The following SMIM14 variants were observed in gnomAD, a reference collection of about 807,000 sequenced individuals.
SMIM14 encodes the protein small integral membrane protein 14.
In SMIM14, 5 loss-of-function variants were observed where a neutral mutation model predicts 12.6. The observed-to-expected ratio is 0.40, with a 90% CI of 0.21 to 0.83. SMIM14 has a LOEUF of 0.83. Among genes scored for constraint, SMIM14 ranks in the 40% least tolerant of loss-of-function variants. The pLI, the probability that SMIM14 is intolerant of heterozygous loss-of-function variation, is 0.37. For missense variants in SMIM14, 86 were observed against 119.1 expected, an observed-to-expected ratio of 0.72 and a Z score of 1.29; for synonymous variants, 30 against 40.1, an observed-to-expected ratio of 0.75 and a Z score of 0.95.
At chr4:39,636,674 C>CT (rs1716102369) in intron 1 of SMIM14, among the ~76,000 whole-genome samples, 2 of 148,390 alleles carry the variant, frequency 1.3e-5, no homozygotes, top group Non-Finnish European at 3.0e-5. Flanking sequence ...GATCTCGTCT[C>CT]TATTAAATTT....
chr4:39,619,860 T>TTATATATATTTA (rs1553866652), intron 1 of SMIM14, among the ~76,000 whole-genome samples: 5 of 111,100 alleles, frequency 4.5e-5, no homozygotes, highest in East Asian at 4.7e-4. Flanking sequence ...TTATATATAT[T>TTATATATATTTA]TATATATATA....
intron 2 of SMIM14, among the ~76,000 whole-genome samples, chr4:39,585,679 T>C (rs1288499163): frequency 6.6e-6 from 1 of 151,796 alleles, no homozygotes; most frequent in Admixed American, 6.6e-5. Flanking sequence ...TTTGCTAATA[T>C]CAAAAGATTA....
chr4:39,614,979 G>A (rs1715166455), intron 1 of SMIM14, among the ~76,000 whole-genome samples: 1 of 152,160 alleles, frequency 6.6e-6, no homozygotes, highest in Admixed American at 6.5e-5. Context: ...ATGTGGTGAG[G>A]GAATTTTCCA....
chr4:39,635,089 C>T (rs1372974221), intron 1 of SMIM14, among the ~76,000 whole-genome samples: 1 of 152,224 alleles, frequency 6.6e-6, no homozygotes, highest in African/African-American at 2.4e-5. Flanking sequence ...GAGGCAACAT[C>T]TGACCTAACA....
rs570166127 is a variant in SMIM14 at position 39,622,127 on chromosome 4, A to G, written c.-36+16612T>C. Among the ~76,000 whole-genome samples the G allele has an allele frequency of 6.8e-4, 103 of 152,244 alleles. 1 individual carries two copies. Among genetic ancestry groups the G allele is most frequent in the South Asian group, 1.7e-3 (8 of 4,822 alleles). ...GAGACGGAGTCTTGCACTGTTGCCC[A>G]GGCTGGAGTGCAGTGGCACGATCTC... On this transcript the variant is annotated intron_variant, in intron 1 of 4. Coordinates refer to ENST00000295958, the MANE Select transcript of SMIM14 (RefSeq NM_174921.3).
At chr4:39,579,565 C>A (rs1467342026) in intron 2 of SMIM14, among the ~76,000 whole-genome samples, 1 of 150,502 alleles carries the variant, frequency 6.6e-6, no homozygotes, top group Non-Finnish European at 1.5e-5. Flanking sequence ...CTTGGCAGGC[C>A]GGGAACAGGG....
In SMIM14 at chr4:39,558,247, G is replaced by A. The variant is rs1712115187; in HGVS notation, c.125-1677C>T. Among the ~76,000 whole-genome samples the A allele has an allele frequency of 1.3e-5, 2 of 152,198 alleles. No individual in the cohort carries two copies. Among genetic ancestry groups the A allele is most frequent in the African/African-American group, 4.8e-5 (2 of 41,462 alleles). On this transcript the variant is annotated intron_variant, in intron 3 of 4. Transcript: ENST00000295958. This position sits in a 1 kb window ranked among gnomAD's most constrained non-coding sequence, Gnocchi z 4.3. ...TCACGCCTGTAATCCCAGCACTTTG[G>A]AAGGCCAAGATGGGTGGATTGCTTG...
At chr4:39,575,939 G>A (rs111371244) in intron 2 of SMIM14, among the ~76,000 whole-genome samples, 38,690 of 147,004 alleles carry the variant, frequency 0.26, 5,642 homozygotes, top group Middle Eastern at 0.36. Flanking sequence ...TGTCACCAAG[G>A]TTGGAGTGCA....
intron 2 of SMIM14, among the ~76,000 whole-genome samples, chr4:39,577,913 TA>T (rs896684641): frequency 2.6e-5 from 4 of 152,206 alleles, no homozygotes; most frequent in African/African-American, 9.6e-5. Context: ...GCTTGACGGC[TA>T]CATTCCTCAT....
chr4:39,572,456 T>TACACAC lies in SMIM14; in HGVS notation c.82_83insGTGTGT (p.Gln28delinsArgValTer). On this transcript the variant is annotated stop_gained and protein_altering_variant, in exon 3 of 5. Transcript: ENST00000295958. LOFTEE classifies it high-confidence loss of function. ...TGTGTCTGTGCAGTAGGACTGGGAC[T>TACACAC]GCCGTAACTACAATGAATAAGAAAG... The TACACAC allele has an allele frequency of 6.2e-7, 1 of 1,610,322 alleles. No homozygotes were observed. Among genetic ancestry groups the TACACAC allele is most frequent in the Non-Finnish European group, 8.5e-7 (1 of 1,177,584 alleles).
chr4:39,549,626 A>G lies in SMIM14; in HGVS notation c.*2500T>C, dbSNP rs1460578263. On this transcript the variant is annotated 3_prime_UTR_variant, in exon 5 of 5. Coordinates refer to ENST00000295958, the MANE Select transcript of SMIM14 (RefSeq NM_174921.3). Reference sequence around the variant, plus strand: ...AGCCATAGATTCAGTGACTACATCAATATCTCTTGCCAGGGATTGGCCTAA... The same window carrying G: ...AGCCATAGATTCAGTGACTACATCAGTATCTCTTGCCAGGGATTGGCCTAA... 1 of 152,228 alleles carries G rather than the reference A, an allele frequency of 6.6e-6. No homozygotes were observed. The highest frequency in any genetic ancestry group is 2.4e-5 in the African/African-American group (1 of 41,456). 9.4% of individuals were successfully genotyped at this position (152,228 alleles called of 1,614,324 possible).
intron 1 of SMIM14, among the ~76,000 whole-genome samples, chr4:39,636,786 C>A (rs998595067): frequency 6.6e-6 from 1 of 152,042 alleles, no homozygotes; most frequent in Admixed American, 6.6e-5. Flanking sequence ...TACACACCTA[C>A]GATAAAATTC....
At chr4:39,576,678 A>ATG (rs1713201437) in intron 2 of SMIM14, among the ~76,000 whole-genome samples, 1 of 29,926 alleles carries the variant, frequency 3.3e-5, no homozygotes, top group Non-Finnish European at 6.0e-5. Flanking sequence ...ATATATATAT[A>ATG]TATATATTTT....
chr4:39,638,766 G>T lies in SMIM14; in HGVS notation c.-63C>A. 1 of 985,512 alleles carries T rather than the reference G, an allele frequency of 1.0e-6. No homozygotes were observed. Among genetic ancestry groups the T allele is most frequent in the African/African-American group, 1.7e-5 (1 of 57,348 alleles). 61.0% of individuals were successfully genotyped at this position (985,512 alleles called of 1,614,324 possible). On this transcript the variant is annotated 5_prime_UTR_variant, in exon 1 of 5. Coordinates refer to ENST00000295958, the MANE Select transcript of SMIM14 (RefSeq NM_174921.3). ...GCCCAGACAACAACCGATGGGGCGGGGAGGATGGGGGCCGGGACCGAGGCT... is the reference window on the plus strand; with the variant it reads ...GCCCAGACAACAACCGATGGGGCGGTGAGGATGGGGGCCGGGACCGAGGCT...
intron 2 of SMIM14, among the ~76,000 whole-genome samples, chr4:39,603,089 T>C (rs1242045708): frequency 6.6e-6 from 1 of 152,128 alleles, no homozygotes; most frequent in African/African-American, 2.4e-5. Flanking sequence ...ATTTTCAGAT[T>C]AGGGATGTTA....
At chr4:39,600,461 G>A (rs909928840) in intron 2 of SMIM14, among the ~76,000 whole-genome samples, 5 of 152,048 alleles carry the variant, frequency 3.3e-5, no homozygotes, top group Middle Eastern at 3.4e-3. Flanking sequence ...AGGCCGAGGC[G>A]GGTGGATCAC....
chr4:39,635,810 C>A (rs753292796), intron 1 of SMIM14, among the ~76,000 whole-genome samples: 10 of 152,070 alleles, frequency 6.6e-5, no homozygotes, highest in Non-Finnish European at 1.5e-4. Context: ...CCTTCCATAG[C>A]AGGCTCTTTT....
At chr4:39,622,146 C>A (rs992095176) in intron 1 of SMIM14, among the ~76,000 whole-genome samples, 4 of 151,792 alleles carry the variant, frequency 2.6e-5, no homozygotes, top group African/African-American at 9.7e-5. Flanking sequence ...TGCAGTGGCA[C>A]GATCTCGGTT....
intron 2 of SMIM14, among the ~76,000 whole-genome samples, chr4:39,582,990 C>T (rs939052771): frequency 6.6e-6 from 1 of 151,956 alleles, no homozygotes; most frequent in African/African-American, 2.4e-5. Context: ...CAGGGTTTTG[C>T]CATGTTGGCC....
Sources: gnomAD v4.1 joint callset for allele counts (sites outside exome capture counted in the v4.1 genomes callset) on GRCh38, gnomAD v4.1.1 for gene constraint, Gnocchi (gnomAD v3.1) non-coding constraint, MANE v1.5 for transcripts, NCBI Gene and HGNC (gene_info 2026-07-23, HGNC 2026-07-21) for gene names.